PRKAA1: variants seen among roughly 807,000 people sequenced by gnomAD.
The protein encoded by PRKAA1 is 5'-AMP-activated protein kinase catalytic subunit alpha-1.
Under a neutral mutation model 56.9 loss-of-function variants are expected in PRKAA1, and 23 were observed. That is an observed-to-expected ratio of 0.40 (90% CI 0.29 to 0.57). PRKAA1 has a LOEUF of 0.57. PRKAA1 is among the 20% of genes least tolerant of loss of function. PRKAA1 has a pLI of 0.39. For synonymous variants in PRKAA1, 226 were observed against 227.0 expected (o/e 1.00, Z 0.04); for missense variants, 413 against 679.7 (o/e 0.61, Z 4.36).
In PRKAA1 at chr5:40,773,541, A is replaced by C. The variant is rs78226331; in HGVS notation, c.364-1678T>G. ...AAATGACATCAGCAATAAAACAGGC[A>C]TATAAAGACAAAAAGAACAAAAGAG... On this transcript the variant is annotated intron_variant, in intron 3 of 8. Coordinates refer to ENST00000397128, the MANE Select transcript of PRKAA1 (RefSeq NM_006251.6). Among the ~76,000 whole-genome samples, 315 of 152,334 alleles carry C rather than the reference A, an allele frequency of 2.1e-3. 8 individuals carry two copies. The East Asian group carries it at 0.051, about 24-fold the overall frequency.
At chr5:40,782,839 A>T (rs1056278107) in intron 1 of PRKAA1, among the ~76,000 whole-genome samples, 2 of 152,136 alleles carry the variant, frequency 1.3e-5, no homozygotes, top group Non-Finnish European at 2.9e-5. Context: ...ACCTGTAAAT[A>T]ACAGAAGCCC....
intron 1 of PRKAA1, among the ~76,000 whole-genome samples, chr5:40,787,545 G>A (rs180829929): frequency 1.6e-4 from 24 of 152,010 alleles, no homozygotes; most frequent in African/African-American, 2.2e-4. Flanking sequence ...AATGTATATC[G>A]TGACATCATG....
chr5:40,768,992 A>G (rs929883646), intron 5 of PRKAA1: 17 of 1,234,854 alleles, frequency 1.4e-5, no homozygotes, highest in Non-Finnish European at 1.8e-5. Flanking sequence ...AGATTACTTC[A>G]GCCCAGTTCC....
chr5:40,771,969 C>T (rs837103), intron 3 of PRKAA1, 106 bp from the exon 4 acceptor site: 1 of 1,338,680 alleles, frequency 7.5e-7, no homozygotes, highest in Non-Finnish European at 1.0e-6. Flanking sequence ...AAAATCTTCC[C>T]AATGAACTTC....
intron 5 of PRKAA1, 127 bp downstream of exon 5, chr5:40,769,289 G>A: frequency 1.4e-6 from 1 of 718,284 alleles, no homozygotes; most frequent in Non-Finnish European, 2.3e-6. Context: ...ACATATAAAT[G>A]TGGTTAAGAA....
rs1743364182 is a variant in PRKAA1 at position 40,765,027 on chromosome 5, T to G, written c.1033A>C (p.Met345Leu). 2 of 1,614,200 alleles carry G rather than the reference T, an allele frequency of 1.2e-6. No homozygotes were observed. Residue 345 changes from methionine to leucine, a missense_variant, in exon 7 of 9, where the codon ATG (methionine) becomes CTG (leucine). Met to Leu is a conservative substitution (Grantham distance 15, BLOSUM62 2). Around this residue, in one of 9 missense-constraint regions of PRKAA1, gnomAD observed 50 missense variants for 87.7 expected, o/e 0.57. Coordinates refer to ENST00000397128, the MANE Select transcript of PRKAA1 (RefSeq NM_006251.6). Reference protein sequence around the residue: ...YHLIIDNRRIMNEAKDFYLAT... With the variant: ...YHLIIDNRRILNEAKDFYLAT... ...AAATAGAAATCTTTGGCTTCATTCA[T>G]TATTCTCCTGTTATCTATTATGAGA...
chr5:40,765,831 ACT>A (rs1743407548), intron 6 of PRKAA1, among the ~76,000 whole-genome samples: 1 of 152,148 alleles, frequency 6.6e-6, no homozygotes, highest in Non-Finnish European at 1.5e-5. Context: ...GTTCTGTGTG[ACT>A]GGAAAGGCCA....
intron 1 of PRKAA1, among the ~76,000 whole-genome samples, chr5:40,794,101 C>CAAA (rs34697780): frequency 7.2e-6 from 1 of 139,590 alleles, no homozygotes; most frequent in Non-Finnish European, 1.6e-5. Flanking sequence ...AAACTGTCTC[C>CAAA]AAAAAAAAAA....
At chr5:40,784,751 G>C (rs939672881) in intron 1 of PRKAA1, among the ~76,000 whole-genome samples, 1 of 152,080 alleles carries the variant, frequency 6.6e-6, no homozygotes, top group African/African-American at 2.4e-5. Context: ...GGAAGACTTG[G>C]CATTATTAGC....
At chr5:40,770,305 A>G (rs924399873) in intron 4 of PRKAA1, among the ~76,000 whole-genome samples, 2 of 151,928 alleles carry the variant, frequency 1.3e-5, no homozygotes, top group Non-Finnish European at 2.9e-5. Flanking sequence ...TCCACCAAAA[A>G]TTAAAAAAAA....
At chr5:40,766,171 A>C (rs1293014181) in intron 6 of PRKAA1, among the ~76,000 whole-genome samples, 1 of 152,224 alleles carries the variant, frequency 6.6e-6, no homozygotes, top group Non-Finnish European at 1.5e-5. Context: ...CTTTGGTGAT[A>C]AAATCATGCC....
intron 1 of PRKAA1, among the ~76,000 whole-genome samples, chr5:40,781,543 A>G (rs1052146849): frequency 1.9e-4 from 29 of 152,182 alleles, no homozygotes; most frequent in Non-Finnish European, 4.3e-4. Flanking sequence ...TGTGACAGAG[A>G]ATCCAAGATA....
At chr5:40,763,381 A>C (rs1040360633) in intron 8 of PRKAA1, among the ~76,000 whole-genome samples, 1 of 152,192 alleles carries the variant, frequency 6.6e-6, no homozygotes, top group African/African-American at 2.4e-5. Context: ...TAAAATTTGG[A>C]GGGTATACTG....
intron 1 of PRKAA1, among the ~76,000 whole-genome samples, chr5:40,795,035 A>ACACACACACACAC (rs1561192154): frequency 6.6e-6 from 1 of 151,756 alleles, no homozygotes; most frequent in African/African-American, 2.4e-5. Flanking sequence ...ACACACACAC[A>ACACACACACACAC]AAATGGAATA....
At chr5:40,785,810 A>G (rs1744443447) in intron 1 of PRKAA1, among the ~76,000 whole-genome samples, 1 of 150,868 alleles carries the variant, frequency 6.6e-6, no homozygotes. Flanking sequence ...GTATCCTTAC[A>G]AGAAGAGGAG....
At position 40,771,835 on chromosome 5, in the gene PRKAA1, A is replaced by G; in HGVS notation, c.392T>C (p.Phe131Ser). 1 of 1,610,654 alleles carries G rather than the reference A, an allele frequency of 6.2e-7. No homozygotes were observed. The highest frequency in any genetic ancestry group is 8.5e-7 in the Non-Finnish European group (1 of 1,179,342). Residue 131 changes from phenylalanine (F) to serine (S), a missense_variant, in exon 4 of 9, where the codon TTC (phenylalanine) becomes TCC (serine). Physicochemically the swap from Phe to Ser is radical, Grantham distance 155. Around this residue, in one of 9 missense-constraint regions of PRKAA1, gnomAD observed 29 missense variants for 44.2 expected, o/e 0.66. Coordinates refer to ENST00000397128, the MANE Select transcript of PRKAA1 (RefSeq NM_006251.6). ...ATCCACACCAGAAAGGATCTGTTGG[A>G]ACAGACGCCGACTTTCTTTTTCATC... ...RLDEKESRRL[F>S]QQILSGVDYC...
At chr5:40,778,341 T>C (rs1744111821) in intron 1 of PRKAA1, among the ~76,000 whole-genome samples, 1 of 152,212 alleles carries the variant, frequency 6.6e-6, no homozygotes, top group African/African-American at 2.4e-5. Context: ...AGTTATTTTC[T>C]CTTTTGCCAG....
intron 1 of PRKAA1, among the ~76,000 whole-genome samples, chr5:40,793,531 T>C (rs550747810): frequency 6.6e-6 from 1 of 152,360 alleles, no homozygotes; most frequent in African/African-American, 2.4e-5. Context: ...CAATATCATA[T>C]ATTTTATTAG....
intron 1 of PRKAA1, among the ~76,000 whole-genome samples, chr5:40,792,959 TG>T (rs1744776745): frequency 6.6e-6 from 1 of 150,962 alleles, no homozygotes; most frequent in South Asian, 2.1e-4. Flanking sequence ...CCCAGCCACT[TG>T]GGAGGCTGAG....
Sources: allele counts gnomAD v4.1 joint callset (sites outside exome capture counted in the v4.1 genomes callset), GRCh38; gene constraint gnomAD v4.1.1; regional missense constraint gnomAD v4.1.1; transcripts MANE v1.5; gene names NCBI Gene and HGNC (gene_info 2026-07-23, HGNC 2026-07-21).